KCNG1: variants seen among roughly 807,000 people sequenced by gnomAD.
The protein encoded by KCNG1 is potassium voltage-gated channel modifier subfamily G member 1.
KCNG1 carries 17 observed loss-of-function variants against 32.4 expected under a neutral mutation model. The observed-to-expected ratio is 0.52, with a 90% confidence interval of 0.36 to 0.79. The LOEUF (loss-of-function observed/expected upper bound fraction) is 0.79. KCNG1 is among the 30% of genes least tolerant of loss of function. KCNG1 has a pLI of 0.00. For missense variants in KCNG1, 441 were observed against 735.2 expected (o/e 0.60, Z 4.63); for synonymous variants, 358 against 339.9 (o/e 1.05, Z -0.59).
rs1172560098 is a variant in KCNG1 at position 51,003,974 on chromosome 20, G to T, written c.*65C>A. The T allele has an allele frequency of 6.4e-7, 1 of 1,555,812 alleles. No homozygotes were observed. On this transcript the variant is annotated 3_prime_UTR_variant, in exon 3 of 3. Coordinates refer to ENST00000371571, the MANE Select transcript of KCNG1 (RefSeq NM_002237.4). The stretch of plus-strand genomic sequence containing the variant: ...GGAAGCGGCCTGTCCCTCTCCAGGC[G>T]TCTGCAGTGGATGGCAATGGCTTCG...
Position 51,004,648 on chromosome 20 carries a change from G to A in KCNG1, c.933C>T (p.Pro311=), listed in dbSNP as rs1157612114. 1 of 1,602,088 alleles carries A rather than the reference G, an allele frequency of 6.2e-7. No individual in the cohort carries two copies. The highest frequency in any genetic ancestry group is 8.5e-7 in the Non-Finnish European group (1 of 1,174,376). Residue 311 remains proline (P), a synonymous_variant, in exon 3 of 3, where the codon CCC becomes CCT. Transcript: ENST00000371571. This position sits in a 1 kb window ranked among gnomAD's most constrained non-coding sequence, Gnocchi z 4.3. ...LTLIDLVAIL[P]YYITLLVDGA... ...CGTCCACCAGCAGCGTGATGTAGTA[G>A]GGCAGGATGGCCACCAGGTCGATCA...
chr20:51,009,883 C>T lies in KCNG1; in HGVS notation c.456G>A (p.Leu152=). ...MCALSFQEEL[L]YWGIAEDHLD... ...GGTGGTCCTCCGCGATGCCCCAGTA[C>T]AGCAGCTCCTCCTGGAAGGACAGCG... The change falls in exon 2 of 3, where the codon CTG becomes CTA. Residue 152 remains leucine (L), a synonymous_variant. Coordinates refer to ENST00000371571, the MANE Select transcript of KCNG1 (RefSeq NM_002237.4). The T allele has an allele frequency of 6.2e-7, 1 of 1,613,614 alleles. No homozygotes were observed. The highest frequency in any genetic ancestry group is 8.5e-7 in the Non-Finnish European group (1 of 1,179,970).
Position 51,004,112 on chromosome 20 carries a change from G to A in KCNG1, c.1469C>T (p.Ser490Leu). Reference protein sequence around the residue: ...RRAQFLIKTKSQLSVSQDSDI... With the variant: ...RRAQFLIKTKLQLSVSQDSDI... ...ACTGTCCTGGGACACGCTCAGCTGC[G>A]ACTTGGTTTTGATGAGGAACTGCGC... The change falls in exon 3 of 3, where the codon TCG becomes TTG. Residue 490 changes from serine to leucine, a missense_variant. By Grantham distance (145) the Ser-to-Leu change is moderately radical (BLOSUM62 -2). This residue lies in a region of KCNG1 where 53 missense variants were observed against 79.1 expected (regional missense o/e 0.67). Transcript: ENST00000371571. The surrounding 1 kb of genome is among the most constrained non-coding windows in gnomAD (Gnocchi z 4.3). The A allele has an allele frequency of 1.9e-6, 3 of 1,614,206 alleles. No homozygotes were observed. Among genetic ancestry groups the A allele is most frequent in the Non-Finnish European group, 1.7e-6 (2 of 1,180,026 alleles).
intron 1 of KCNG1, among the ~76,000 whole-genome samples, chr20:51,014,848 T>A (rs1740967378): frequency 6.6e-6 from 1 of 151,914 alleles, no homozygotes. Context: ...GGACATGGGG[T>A]TGAGCCGCAT....
intron 1 of KCNG1, among the ~76,000 whole-genome samples, chr20:51,016,786 C>T (rs532227588): frequency 2.6e-5 from 4 of 152,162 alleles, no homozygotes; most frequent in African/African-American, 4.8e-5. Context: ...GATTAGAGTC[C>T]GCTGCCCCCC....
At chr20:51,007,976 A>C (rs1987902136) in intron 2 of KCNG1, 1 of 152,246 alleles carries the variant, frequency 6.6e-6, no homozygotes, top group African/African-American at 2.4e-5. Context: ...AGTACTTCTA[A>C]TGTTAAATTC....
At chr20:51,022,020 G>A (rs1988502027) in intron 1 of KCNG1, among the ~76,000 whole-genome samples, 1 of 152,204 alleles carries the variant, frequency 6.6e-6, no homozygotes, top group South Asian at 2.1e-4. Context: ...CACCCCGGCA[G>A]TCTGCGGCCT....
chr20:51,016,983 G>T (rs1988302888), intron 1 of KCNG1, among the ~76,000 whole-genome samples: 1 of 152,140 alleles, frequency 6.6e-6, no homozygotes, highest in South Asian at 2.1e-4. Flanking sequence ...CCCACTTCTG[G>T]GTATATTTCC....
In KCNG1 at chr20:51,015,488, G is replaced by C. The variant is rs973589088; in HGVS notation, c.-26-5124C>G. Among the ~76,000 whole-genome samples, 1 of 152,194 alleles carries C rather than the reference G, an allele frequency of 6.6e-6. No individual in the cohort carries two copies. Among genetic ancestry groups the C allele is most frequent in the African/African-American group, 2.4e-5 (1 of 41,442 alleles). Reference sequence around the variant, plus strand: ...TTGCGGGGGGTGAGGGTGTCACCTGGCAGCTTTGACCTGGCTAGGCTGGCA... The same window carrying C: ...TTGCGGGGGGTGAGGGTGTCACCTGCCAGCTTTGACCTGGCTAGGCTGGCA... On this transcript the variant is annotated intron_variant, in intron 1 of 2. Transcript: ENST00000371571. This position sits in a 1 kb window ranked among gnomAD's most constrained non-coding sequence, Gnocchi z 4.4.
Position 51,009,693 on chromosome 20 carries a change from T to G in KCNG1, c.646A>C (p.Met216Leu), listed in dbSNP as rs773099962. 23 of 1,604,438 alleles carry G rather than the reference T, an allele frequency of 1.4e-5. No homozygotes were observed. Among genetic ancestry groups the G allele is most frequent in the Non-Finnish European group, 2.0e-5 (23 of 1,178,570 alleles). ...LGRCMRRLRD[M>L]VERPHSGLPG... Reference sequence around the variant, plus strand: ...AGCCCCGAGTGCGGCCTCTCCACCATGTCGCGCAGTCGCCGCATGCAGCGC... The same window carrying G: ...AGCCCCGAGTGCGGCCTCTCCACCAGGTCGCGCAGTCGCCGCATGCAGCGC... The change falls in exon 2 of 3, where the codon ATG (methionine) becomes CTG (leucine). Residue 216 changes from methionine to leucine, a missense_variant. Physicochemically the swap from Met to Leu is conservative, Grantham distance 15 (BLOSUM62 2). Transcript: ENST00000371571.
At chr20:51,010,702 C>T (rs930338577) in intron 1 of KCNG1, among the ~76,000 whole-genome samples, 1 of 152,140 alleles carries the variant, frequency 6.6e-6, no homozygotes, top group African/African-American at 2.4e-5. Flanking sequence ...TGAGACTGGC[C>T]TGGCCAACAT....
At chr20:51,022,767 G>T (rs887845675) in intron 1 of KCNG1, 103 bp downstream of exon 1, 8 of 152,252 alleles carry the variant, frequency 5.3e-5, no homozygotes, top group Admixed American at 1.3e-4. Flanking sequence ...GGAGTTCAGG[G>T]CCACGGCCAC....
chr20:51,019,972 TGTTCTCGCCACA>T (rs947932384), intron 1 of KCNG1, among the ~76,000 whole-genome samples: 3 of 152,244 alleles, frequency 2.0e-5, no homozygotes, highest in Non-Finnish European at 4.4e-5. Context: ...ACCTGCTGTC[TGTTCTCGCCACA>T]GTCCCACCAC....
At position 51,010,372 on chromosome 20, in the gene KCNG1, G is replaced by C. The variant is rs746235075; in HGVS notation, c.-26-8C>G. On this transcript the variant is annotated splice_region_variant and splice_polypyrimidine_tract_variant and intron_variant, in intron 1 of 2. Transcript: ENST00000371571. ...TTCACATCCCTCTCGGGCCTGTGGGGAGAAGGGAGGGAAGACCCTCAGTGA... is the reference window on the plus strand; with the variant it reads ...TTCACATCCCTCTCGGGCCTGTGGGCAGAAGGGAGGGAAGACCCTCAGTGA... 1 of 1,493,756 alleles carries C rather than the reference G, an allele frequency of 6.7e-7. No homozygotes were observed. The highest frequency in any genetic ancestry group is 8.9e-7 in the Non-Finnish European group (1 of 1,127,648). 92.5% of individuals were successfully genotyped at this position (1,493,756 alleles called of 1,614,324 possible).
chr20:51,007,084 A>G (rs1987856821), intron 2 of KCNG1: 1 of 152,286 alleles, frequency 6.6e-6, no homozygotes, highest in South Asian at 2.1e-4. Context: ...GTGTGATGGC[A>G]TATGCCTTTA....
intron 2 of KCNG1, among the ~76,000 whole-genome samples, chr20:51,007,493 GT>G (rs767851603): frequency 2.6e-5 from 4 of 151,788 alleles, no homozygotes; most frequent in Middle Eastern, 3.4e-3. Flanking sequence ...GCCTAAAATT[GT>G]TTTTTTTAAT....
intron 2 of KCNG1, chr20:51,006,859 A>T (rs1987849267): frequency 6.6e-6 from 1 of 152,138 alleles, no homozygotes; most frequent in Non-Finnish European, 1.5e-5. Flanking sequence ...CTTCATGCGA[A>T]CTCACTGAAT....
chr20:51,007,613 A>G (rs1987884287), intron 2 of KCNG1, among the ~76,000 whole-genome samples: 1 of 152,200 alleles, frequency 6.6e-6, no homozygotes. Flanking sequence ...CTCCACATAC[A>G]TAAGTGGAAA....
At position 51,009,571 on chromosome 20, in the gene KCNG1, C is replaced by T. The variant is rs1390760842; in HGVS notation, c.768G>A (p.Glu256=). 1 of 1,601,870 alleles carries T rather than the reference C, an allele frequency of 6.2e-7. No homozygotes were observed. Among genetic ancestry groups the T allele is most frequent in the Admixed American group, 1.7e-5 (1 of 58,400 alleles). ...VSTLPSLREE[E]EQGHCSQMCH... is the part of the protein sequence containing the mutation. ...GCGGGGCGTGGGCTCTTACCTGCTCCTCCTCCTCCCTCAGGCTGGGCAAGG... is the reference window on the plus strand; with the variant it reads ...GCGGGGCGTGGGCTCTTACCTGCTCTTCCTCCTCCCTCAGGCTGGGCAAGG... The change falls in exon 2 of 3, where the codon GAG becomes GAA. Residue 256 remains glutamate, a synonymous_variant. Coordinates refer to ENST00000371571, the MANE Select transcript of KCNG1 (RefSeq NM_002237.4).
Sources: gnomAD v4.1 joint callset for allele counts (sites outside exome capture counted in the v4.1 genomes callset) on GRCh38, gnomAD v4.1.1 for gene constraint, gnomAD v4.1.1 regional missense constraint, Gnocchi (gnomAD v3.1) non-coding constraint, MANE v1.5 for transcripts, NCBI Gene and HGNC (gene_info 2026-07-23, HGNC 2026-07-21) for gene names.